The following ZNF180 variants were observed in gnomAD, a reference collection of about 807,000 sequenced individuals.
The protein encoded by ZNF180 is zinc finger protein 180, also known as zinc finger protein 180 (HHZ168).
A neutral mutation model predicts 11.8 loss-of-function variants in ZNF180; 11 were observed. That is an observed-to-expected ratio of 0.93 (90% CI 0.59 to 1.55). ZNF180 has a LOEUF of 1.55. Ranked by LOEUF, ZNF180 falls within the 40% of genes most tolerant of loss-of-function variation. The probability of loss-of-function intolerance (pLI) is 0.00; values close to 1 mark genes in which losing one functional copy is unlikely to be tolerated. For missense variants in ZNF180, 773 were observed against 781.7 expected (o/e 0.99, Z 0.13); for synonymous variants, 287 against 257.7 (o/e 1.11, Z -1.09).
At chr19:44,492,563 G>C (rs776282118) in intron 2 of ZNF180, among the ~76,000 whole-genome samples, 28 of 152,154 alleles carry the variant, frequency 1.8e-4, no homozygotes, top group Non-Finnish European at 3.8e-4. Context: ...ACCAAAGCAG[G>C]GGGAAAGAGA....
intron 2 of ZNF180, among the ~76,000 whole-genome samples, chr19:44,486,144 G>A (rs891006490): frequency 2.6e-5 from 4 of 152,214 alleles, no homozygotes; most frequent in East Asian, 3.9e-4. Context: ...TGCATGTACC[G>A]ATACATATAA....
At position 44,500,479 on chromosome 19, in the gene ZNF180, C is replaced by G. The variant is rs1600104541; in HGVS notation, c.-248G>C. The G allele has an allele frequency of 3.6e-6, 2 of 553,312 alleles. No homozygotes were observed. The highest frequency in any genetic ancestry group is 6.4e-6 in the Non-Finnish European group (2 of 312,030). 34.3% of individuals were successfully genotyped at this position (553,312 alleles called of 1,614,324 possible). A position where few individuals can be genotyped will look rare whatever the true frequency, so the allele number is the denominator to read the frequency against. On this transcript the variant is annotated 5_prime_UTR_variant, in exon 1 of 5. Transcript: ENST00000592529. ...GTTAAGTCTGAAGGGCCGAGCTGCT[C>G]GGCGACAGCAAGCGTCCGCGCGCGG...
chr19:44,489,180 CGCCCCGTCTGGG>C (rs1970350037), intron 2 of ZNF180, among the ~76,000 whole-genome samples: 11 of 126,306 alleles, frequency 8.7e-5, no homozygotes, highest in East Asian at 2.7e-4. Context: ...CCGGGCCAGC[CGCCCCGTCTGGG>C]AGGTGAGGGG....
At chr19:44,484,236 G>A (rs947556666) in intron 3 of ZNF180, 125 bp downstream of exon 3, 2 of 736,790 alleles carry the variant, frequency 2.7e-6, no homozygotes, top group African/African-American at 3.5e-5. Context: ...CTGACCTCAT[G>A]ATCTGCCCGC....
At chr19:44,484,278 G>A (rs567803279) in intron 3 of ZNF180, 83 bp downstream of exon 3, 11 of 1,150,556 alleles carry the variant, frequency 9.6e-6, no homozygotes, top group South Asian at 2.5e-5. Flanking sequence ...CAGCCACCGC[G>A]CCCGGCCTAT....
intron 1 of ZNF180, 138 bp from the exon 2 acceptor site, chr19:44,497,515 C>T: frequency 1.2e-6 from 1 of 837,462 alleles, no homozygotes; most frequent in Non-Finnish European, 1.8e-6. Flanking sequence ...CTGCCAGCTT[C>T]CTGCCCAAAT....
At chr19:44,491,072 T>C (rs576589461) in intron 2 of ZNF180, among the ~76,000 whole-genome samples, 1 of 152,244 alleles carries the variant, frequency 6.6e-6, no homozygotes, top group African/African-American at 2.4e-5. Context: ...GACTCCACCA[T>C]GCTTAGATCA....
intron 1 of ZNF180, among the ~76,000 whole-genome samples, chr19:44,499,250 A>G (rs1970670366): frequency 6.6e-6 from 1 of 152,132 alleles, no homozygotes; most frequent in East Asian, 1.9e-4. Context: ...CTCTTGCCCA[A>G]TCATGACGGC....
chr19:44,492,457 G>A (rs1600093105), intron 2 of ZNF180, among the ~76,000 whole-genome samples: 1 of 152,298 alleles, frequency 6.6e-6, no homozygotes, highest in South Asian at 2.1e-4. Flanking sequence ...TTACGAAATG[G>A]GAACAGGAAT....
At chr19:44,480,728 T>TAA (rs1281729758) in intron 3 of ZNF180, among the ~76,000 whole-genome samples, 1 of 152,218 alleles carries the variant, frequency 6.6e-6, no homozygotes, top group Non-Finnish European at 1.5e-5. Context: ...ATGCAATTTT[T>TAA]AAAAAAATTT....
intron 3 of ZNF180, among the ~76,000 whole-genome samples, chr19:44,483,643 C>T (rs559713248): frequency 2.3e-3 from 347 of 152,096 alleles, no homozygotes; most frequent in Middle Eastern, 0.014. Context: ...TCTGATTTTT[C>T]GCAGTGAAAG....
intron 2 of ZNF180, among the ~76,000 whole-genome samples, chr19:44,486,479 A>C (rs1970231686): frequency 6.6e-6 from 1 of 152,236 alleles, no homozygotes. Flanking sequence ...TACAGGATAC[A>C]ATAATTCAGT....
intron 3 of ZNF180, among the ~76,000 whole-genome samples, chr19:44,483,417 T>G (rs2123456395): frequency 6.6e-6 from 1 of 152,342 alleles, no homozygotes; most frequent in African/African-American, 2.4e-5. Context: ...GAAAGTGGGC[T>G]ACAAATTGCC....
rs998279823 is a variant in ZNF180, at chr19:44,500,293, G to C, written c.-62C>G. 6.2e-7 allele frequency: 1 copy of C among 1,608,918 alleles called. No individual in the cohort carries two copies. The highest frequency in any genetic ancestry group is 8.5e-7 in the Non-Finnish European group (1 of 1,177,614). On this transcript the variant is annotated 5_prime_UTR_variant, in exon 1 of 5. Coordinates refer to ENST00000592529, the MANE Select transcript of ZNF180 (RefSeq NM_001278509.3). Reference sequence around the variant, plus strand: ...TACCAACCTGGGCGTCCGCTGGCCCGCAGCCCAGGCTGGGCCTGTCACCGC... The same window carrying C: ...TACCAACCTGGGCGTCCGCTGGCCCCCAGCCCAGGCTGGGCCTGTCACCGC...
chr19:44,500,339 T>C lies in ZNF180; in HGVS notation c.-108A>G. On this transcript the variant is annotated 5_prime_UTR_variant, in exon 1 of 5. Coordinates refer to ENST00000592529, the MANE Select transcript of ZNF180 (RefSeq NM_001278509.3). ...ACCGCCTCAGTGCCTAGCACGGCTC[T>C]GCGGCAGGACGAACTCGGGTTAGGC... The C allele has an allele frequency of 6.6e-7, 1 of 1,513,910 alleles. No individual in the cohort carries two copies. 93.8% of individuals were successfully genotyped at this position (1,513,910 alleles called of 1,614,324 possible). A position where few individuals can be genotyped will look rare whatever the true frequency, so the allele number is the denominator to read the frequency against.
At chr19:44,478,236 T>G (rs1969985818) in intron 4 of ZNF180, 90 bp from the exon 5 acceptor site, 1 of 1,342,706 alleles carries the variant, frequency 7.4e-7, no homozygotes, top group Non-Finnish European at 9.8e-7. Context: ...GAAAAATATA[T>G]ATGAATTTGT....
chr19:44,499,525 G>A (rs1359294210), intron 1 of ZNF180, among the ~76,000 whole-genome samples: 1 of 152,078 alleles, frequency 6.6e-6, no homozygotes, highest in African/African-American at 2.4e-5. Context: ...CTAGAGCTCT[G>A]CACTATCCTA....
chr19:44,488,296 G>A (rs1172736832), intron 2 of ZNF180, among the ~76,000 whole-genome samples: 13 of 150,764 alleles, frequency 8.6e-5, no homozygotes, highest in South Asian at 4.2e-4. Context: ...CTCTTTCCAC[G>A]GTCTCCCTCT....
Position 44,477,389 on chromosome 19 carries a change from C to G in ZNF180, c.1011G>C (p.Trp337Cys), listed in dbSNP as rs1343075608. 1 of 1,613,778 alleles carries G rather than the reference C, an allele frequency of 6.2e-7. No individual in the cohort carries two copies. Among genetic ancestry groups the G allele is most frequent in the Admixed American group, 1.7e-5 (1 of 59,996 alleles). ...ECNQCGKSFS[W>C]SSHLVAHQRT... The stretch of plus-strand genomic sequence containing the variant: ...TCTGATGTGCAACAAGATGCGAGCT[C>G]CAGCTGAAGGATTTCCCACACTGAT... The change falls in exon 5 of 5, where the codon TGG becomes TGC. Residue 337 changes from tryptophan (W) to cysteine (C), a missense_variant. Trp to Cys is a radical substitution (Grantham distance 215, BLOSUM62 -2). Coordinates refer to ENST00000592529, the MANE Select transcript of ZNF180 (RefSeq NM_001278509.3).
Sources: allele counts gnomAD v4.1 joint callset (sites outside exome capture counted in the v4.1 genomes callset), GRCh38; gene constraint gnomAD v4.1.1; transcripts MANE v1.5; gene names NCBI Gene and HGNC (gene_info 2026-07-23, HGNC 2026-07-21).